Variants in NUBPL observed in about 807,000 individuals in gnomAD.
The protein encoded by NUBPL is NUBP iron-sulfur cluster assembly factor, mitochondrial, also known as iron-sulfur cluster transfer protein NUBPL.
In NUBPL, 31 loss-of-function variants were observed where a neutral mutation model predicts 45.7. The ratio of observed to expected loss-of-function variants is 0.68; its 90% CI spans 0.51 to 0.92. The LOEUF (loss-of-function observed/expected upper bound fraction) is 0.92. Among genes scored for constraint, NUBPL ranks in the 40% least tolerant of loss-of-function variants. NUBPL has a pLI of 0.00. For missense variants in NUBPL, 401 were observed against 398.7 expected (o/e 1.01, Z -0.05); for synonymous variants, 144 against 140.9 (o/e 1.02, Z -0.15).
intron 6 of NUBPL, among the ~76,000 whole-genome samples, chr14:31,739,888 A>G (rs1252170725): frequency 1.3e-5 from 2 of 152,168 alleles, no homozygotes; most frequent in African/African-American, 4.8e-5. Flanking sequence ...TTCTCCAGAA[A>G]GTCGTAGTTG....
At chr14:31,581,962 ATT>A (rs755420485) in intron 3 of NUBPL, among the ~76,000 whole-genome samples, 3 of 152,204 alleles carry the variant, frequency 2.0e-5, no homozygotes, top group Non-Finnish European at 4.4e-5. Context: ...GTTGGCATTG[ATT>A]TTTAATGTTT....
At chr14:31,707,578 C>T (rs1261159557) in intron 6 of NUBPL, among the ~76,000 whole-genome samples, 16 of 152,244 alleles carry the variant, frequency 1.1e-4, no homozygotes, top group Admixed American at 5.2e-4. Context: ...AGTCAGCAAA[C>T]GCTGATGATT....
At chr14:31,594,689 A>G (rs879761763) in intron 3 of NUBPL, among the ~76,000 whole-genome samples, 1 of 152,212 alleles carries the variant, frequency 6.6e-6, no homozygotes, top group Non-Finnish European at 1.5e-5. Context: ...TCTGACAATC[A>G]GATTCTTATT....
intron 8 of NUBPL, among the ~76,000 whole-genome samples, chr14:31,840,483 A>G (rs1401072812): frequency 1.3e-5 from 2 of 151,796 alleles, no homozygotes; most frequent in African/African-American, 4.8e-5. Context: ...CGGAGGTAGG[A>G]GAATGGTGTG....
intron 4 of NUBPL, among the ~76,000 whole-genome samples, chr14:31,665,945 G>T (rs987268455): frequency 6.7e-6 from 1 of 150,292 alleles, no homozygotes; most frequent in African/African-American, 2.4e-5. Flanking sequence ...TTAAGATAAT[G>T]CTTCTTGTTG....
At chr14:31,709,347 TC>T (rs1317677973) in intron 6 of NUBPL, among the ~76,000 whole-genome samples, 5 of 152,226 alleles carry the variant, frequency 3.3e-5, no homozygotes, top group Non-Finnish European at 7.3e-5. Flanking sequence ...ATGTACTTTT[TC>T]CTAATTCTCC....
chr14:31,587,439 G>A (rs1026421753), intron 3 of NUBPL, among the ~76,000 whole-genome samples: 19 of 152,220 alleles, frequency 1.2e-4, no homozygotes, highest in Non-Finnish European at 2.2e-4. Context: ...CTAGTATAAC[G>A]CCTGGCACGT....
At chr14:31,840,369 C>T (rs750025154) in intron 8 of NUBPL, among the ~76,000 whole-genome samples, 4 of 151,984 alleles carry the variant, frequency 2.6e-5, no homozygotes, top group East Asian at 3.9e-4. Flanking sequence ...GTCAGGAGAT[C>T]GAGACCATCC....
At chr14:31,810,640 G>T (rs1371590497) in intron 7 of NUBPL, among the ~76,000 whole-genome samples, 1 of 152,142 alleles carries the variant, frequency 6.6e-6, no homozygotes, top group East Asian at 1.9e-4. Context: ...ATTGTGATGT[G>T]TGAATTTGAT....
chr14:31,696,691 G>A (rs768045340), intron 6 of NUBPL, among the ~76,000 whole-genome samples: 5 of 152,140 alleles, frequency 3.3e-5, no homozygotes, highest in Non-Finnish European at 7.4e-5. Context: ...TGATTCAAAT[G>A]CTCCCTAAAG....
intron 8 of NUBPL, among the ~76,000 whole-genome samples, chr14:31,836,075 C>A (rs912637065): frequency 6.6e-6 from 1 of 152,122 alleles, no homozygotes; most frequent in Admixed American, 6.6e-5. Context: ...AAAATTGGAG[C>A]CTTTTGGGCC....
At chr14:31,849,999 G>T in intron 9 of NUBPL, 120 bp from the exon 10 acceptor site, 1 of 736,786 alleles carries the variant, frequency 1.4e-6, no homozygotes. Flanking sequence ...GCAATTAGAA[G>T]ATAGTCAATT....
intron 8 of NUBPL, among the ~76,000 whole-genome samples, chr14:31,837,479 T>TA (rs2040300513): frequency 6.6e-6 from 1 of 152,180 alleles, no homozygotes; most frequent in Admixed American, 6.5e-5. Flanking sequence ...CCAGTGGAAA[T>TA]ATAAACCATG....
At chr14:31,740,253 A>G (rs919797961) in intron 6 of NUBPL, among the ~76,000 whole-genome samples, 1 of 152,138 alleles carries the variant, frequency 6.6e-6, no homozygotes, top group African/African-American at 2.4e-5. Flanking sequence ...GGCTGTACCA[A>G]TTTGCATCCC....
intron 4 of NUBPL, among the ~76,000 whole-genome samples, chr14:31,612,230 A>G (rs938515055): frequency 6.6e-6 from 1 of 152,270 alleles, no homozygotes; most frequent in Non-Finnish European, 1.5e-5. Flanking sequence ...AAAAACTGCA[A>G]TTACTTTTGC....
chr14:31,576,288 A>G (rs527285104), intron 3 of NUBPL, among the ~76,000 whole-genome samples: 1 of 152,268 alleles, frequency 6.6e-6, no homozygotes, highest in Admixed American at 6.5e-5. Flanking sequence ...TAGAGACAGT[A>G]TCTTGCTCTG....
At chr14:31,781,808 G>A (rs1372405812) in intron 6 of NUBPL, among the ~76,000 whole-genome samples, 3 of 152,032 alleles carry the variant, frequency 2.0e-5, no homozygotes, top group Non-Finnish European at 4.4e-5. Flanking sequence ...TCTATGACAT[G>A]CTTAGACTTT....
chr14:31,757,292 G>C (rs939543125), intron 6 of NUBPL, among the ~76,000 whole-genome samples: 3 of 149,790 alleles, frequency 2.0e-5, no homozygotes, highest in African/African-American at 7.3e-5. Flanking sequence ...GTTCCTTCTT[G>C]TACCTCTGGT....
chr14:31,766,454 T>G (rs1206846395), intron 6 of NUBPL, among the ~76,000 whole-genome samples: 1 of 152,198 alleles, frequency 6.6e-6, no homozygotes, highest in Non-Finnish European at 1.5e-5. Context: ...GAAAACACCA[T>G]GGGACCCAGC....
Sources: gnomAD v4.1 joint callset for allele counts (sites outside exome capture counted in the v4.1 genomes callset) on GRCh38, gnomAD v4.1.1 for gene constraint, MANE v1.5 for transcripts, NCBI Gene and HGNC (gene_info 2026-07-23, HGNC 2026-07-21) for gene names.